Variants in ZNF366 observed in about 807,000 individuals in gnomAD.
The protein encoded by ZNF366 is dendritic cell-specific transcript protein.
ZNF366 carries 20 observed loss-of-function variants against 47.2 expected under a neutral mutation model. The ratio of observed to expected loss-of-function variants is 0.42; its 90% CI spans 0.30 to 0.62. The LOEUF is 0.62. ZNF366 is among the 20% of genes least tolerant of loss of function. The pLI, the probability that ZNF366 is intolerant of heterozygous loss-of-function variation, is 0.16. For synonymous variants in ZNF366, 421 were observed against 395.1 expected (o/e 1.07, Z -0.78); for missense variants, 987 against 976.3 (o/e 1.01, Z -0.15).
rs1344816386 is a variant in ZNF366, at chr5:72,443,957, C to T, written c.2034G>A (p.Arg678=). 6.2e-7 allele frequency: 1 copy of T among 1,614,194 alleles called. No homozygotes were observed. The highest frequency in any genetic ancestry group is 8.5e-7 in the Non-Finnish European group (1 of 1,180,024). ...EDASKGEWEK[R]SKGDLGAEGG... ...CCTCTGCCCCAAGGTCACCCTTGCT[C>T]CTCTTCTCCCATTCTCCCTTGGATG... The change falls in exon 5 of 5, where the codon AGG becomes AGA. Residue 678 remains arginine (R), a synonymous_variant. Coordinates refer to ENST00000318442, the MANE Select transcript of ZNF366 (RefSeq NM_152625.3).
At chr5:72,452,275 A>G (rs1244372127) in intron 3 of ZNF366, among the ~76,000 whole-genome samples, 1 of 152,128 alleles carries the variant, frequency 6.6e-6, no homozygotes, top group Non-Finnish European at 1.5e-5. Flanking sequence ...AGGGAGGGAG[A>G]GAGAGACTGT....
intron 1 of ZNF366, among the ~76,000 whole-genome samples, chr5:72,506,205 G>C (rs1744315465): frequency 6.6e-6 from 1 of 152,102 alleles, no homozygotes; most frequent in African/African-American, 2.4e-5. Flanking sequence ...AAGTATGCTT[G>C]GCCATTGGCT....
rs770305478 is a variant in ZNF366, at chr5:72,484,483, CA to C, written c.-15+22767del. Reference sequence around the variant, plus strand: ...TGGGCGACAGAGCGAGACTCCGTCTCAAAAAAAAAAAAAATAATAATAATAA... The same window carrying C: ...TGGGCGACAGAGCGAGACTCCGTCTCAAAAAAAAAAAAATAATAATAATAA... On this transcript the variant is annotated intron_variant, in intron 1 of 4. Transcript: ENST00000318442. Among the ~76,000 whole-genome samples, 598 of 129,974 alleles carry C rather than the reference CA, an allele frequency of 4.6e-3. 10 individuals are homozygous for C. The highest frequency in any genetic ancestry group is 4.1e-3 in the Middle Eastern group (1 of 244). 85.3% of individuals were successfully genotyped at this position (129,974 alleles called of 152,430 possible).
intron 1 of ZNF366, among the ~76,000 whole-genome samples, chr5:72,472,982 G>A (rs184303702): frequency 3.8e-4 from 58 of 152,268 alleles, no homozygotes; most frequent in Admixed American, 1.0e-3. Context: ...GCTTCCTCAT[G>A]GGGTATTGCA....
chr5:72,499,574 A>T (rs1420481529), intron 1 of ZNF366, among the ~76,000 whole-genome samples: 1 of 151,046 alleles, frequency 6.6e-6, no homozygotes, highest in East Asian at 2.0e-4. Flanking sequence ...TACCCTAAAA[A>T]TGTTCAATAT....
At chr5:72,449,156 A>G (rs999335080) in intron 3 of ZNF366, among the ~76,000 whole-genome samples, 14 of 152,190 alleles carry the variant, frequency 9.2e-5, no homozygotes, top group South Asian at 2.1e-4. Flanking sequence ...AGATGTATCA[A>G]TCTGTGGCTC....
intron 1 of ZNF366, among the ~76,000 whole-genome samples, chr5:72,500,871 C>T (rs559110310): frequency 1.8e-4 from 27 of 152,266 alleles, no homozygotes; most frequent in African/African-American, 6.5e-4. Context: ...TAGGTGGTGC[C>T]ATGGTGTTGG....
At chr5:72,499,964 C>G (rs573129394) in intron 1 of ZNF366, among the ~76,000 whole-genome samples, 1 of 152,310 alleles carries the variant, frequency 6.6e-6, no homozygotes, top group South Asian at 2.1e-4. Context: ...TTCCCCCACC[C>G]CTCCAACAAT....
rs113275091 is a variant in ZNF366, at chr5:72,480,155, T to G, written c.-14-18645A>C. Among the ~76,000 whole-genome samples the G allele has an allele frequency of 5.0e-3, 763 of 152,304 alleles. 4 individuals carry two copies. Among genetic ancestry groups the G allele is most frequent in the African/African-American group, 0.018 (747 of 41,568 alleles). On this transcript the variant is annotated intron_variant, in intron 1 of 4. Transcript: ENST00000318442. ...TAAAACCAAAGTGTGAAGGACATTTTCCAAATCAGTGTGAAAGTATGCAGA... is the reference window on the plus strand; with the variant it reads ...TAAAACCAAAGTGTGAAGGACATTTGCCAAATCAGTGTGAAAGTATGCAGA...
rs1280578759 is a variant in ZNF366 at position 72,461,225 on chromosome 5, G to T, written c.272C>A (p.Pro91His). The change falls in exon 2 of 5, where the codon CCT (proline) becomes CAT (histidine). Residue 91 changes from proline (P) to histidine (H), a missense_variant. Physicochemically the swap from Pro to His is moderately conservative, Grantham distance 77. This residue lies in a region of ZNF366 where 591 missense variants were observed against 560.9 expected (regional missense o/e 1.05). Coordinates refer to ENST00000318442, the MANE Select transcript of ZNF366 (RefSeq NM_152625.3). The stretch of plus-strand genomic sequence containing the variant: ...GAGGGCGAGGGTGACTTCTTCTGCA[G>T]GGTGGTTATAGGGCATCTTTGTGGG... ...SMPTKMPYNH[P>H]AEEVTLALHS... The T allele has an allele frequency of 1.2e-6, 2 of 1,614,042 alleles. No homozygotes were observed. Among genetic ancestry groups the T allele is most frequent in the Non-Finnish European group, 1.7e-6 (2 of 1,180,040 alleles).
intron 1 of ZNF366, among the ~76,000 whole-genome samples, chr5:72,471,926 T>G (rs1314490148): frequency 2.0e-5 from 3 of 152,160 alleles, no homozygotes; most frequent in Non-Finnish European, 2.9e-5. Flanking sequence ...CCTCAAGTGA[T>G]CCTCCAGTCT....
intron 1 of ZNF366, among the ~76,000 whole-genome samples, chr5:72,470,877 T>C (rs924512489): frequency 6.6e-6 from 1 of 152,228 alleles, no homozygotes; most frequent in Non-Finnish European, 1.5e-5. Context: ...TGCTTCATCC[T>C]GGCTCAGGCT....
chr5:72,479,607 C>T (rs1029178334), intron 1 of ZNF366, among the ~76,000 whole-genome samples: 2 of 152,032 alleles, frequency 1.3e-5, no homozygotes, highest in Non-Finnish European at 2.9e-5. Context: ...GGTCAACAGC[C>T]ACCAAAATGC....
chr5:72,499,433 A>T (rs2112357072), intron 1 of ZNF366, among the ~76,000 whole-genome samples: 2 of 146,028 alleles, frequency 1.4e-5, no homozygotes, highest in Middle Eastern at 3.7e-3. Context: ...CTTTTCACAT[A>T]TTCCTCACCC....
At chr5:72,451,259 C>T (rs1174088866) in intron 3 of ZNF366, among the ~76,000 whole-genome samples, 3 of 152,270 alleles carry the variant, frequency 2.0e-5, no homozygotes, top group Non-Finnish European at 4.4e-5. Flanking sequence ...CCAAGGAACA[C>T]CGTCAGTGTG....
At chr5:72,492,578 C>T (rs1461133994) in intron 1 of ZNF366, among the ~76,000 whole-genome samples, 1 of 152,214 alleles carries the variant, frequency 6.6e-6, no homozygotes, top group Non-Finnish European at 1.5e-5. Flanking sequence ...TTTCTCCTAT[C>T]TTCAAAACCT....
rs1470406625 is a variant in ZNF366 at position 72,441,578 on chromosome 5, G to A, written c.*2178C>T. ...ATAGTACTCTTAGCACTTCATGGTGGTGGGGAGGCTGACAGGAGAAGCTTT... is the reference window on the plus strand; with the variant it reads ...ATAGTACTCTTAGCACTTCATGGTGATGGGGAGGCTGACAGGAGAAGCTTT... On this transcript the variant is annotated 3_prime_UTR_variant, in exon 5 of 5. Transcript: ENST00000318442. 6.6e-6 allele frequency: 1 copy of A among 152,378 alleles called. No homozygotes were observed. The highest frequency in any genetic ancestry group is 1.5e-5 in the Non-Finnish European group (1 of 68,178). 9.4% of individuals were successfully genotyped at this position (152,378 alleles called of 1,614,324 possible).
chr5:72,472,216 C>A (rs1289236574), intron 1 of ZNF366, among the ~76,000 whole-genome samples: 1 of 152,162 alleles, frequency 6.6e-6, no homozygotes, highest in East Asian at 1.9e-4. Flanking sequence ...AACTGACAAC[C>A]AGATGTCGTG....
intron 1 of ZNF366, among the ~76,000 whole-genome samples, chr5:72,488,078 C>G (rs1021434630): frequency 1.3e-5 from 2 of 152,018 alleles, no homozygotes; most frequent in African/African-American, 4.8e-5. Flanking sequence ...TGTGGTCATG[C>G]ACACCTATAG....
Sources: allele counts gnomAD v4.1 joint callset (sites outside exome capture counted in the v4.1 genomes callset), GRCh38; gene constraint gnomAD v4.1.1; regional missense constraint gnomAD v4.1.1; transcripts MANE v1.5; gene names NCBI Gene and HGNC (gene_info 2026-07-23, HGNC 2026-07-21).